The following PALLD variants were observed in gnomAD, a reference collection of about 807,000 sequenced individuals.
PALLD encodes the protein palladin, cytoskeletal associated protein.
Under a neutral mutation model 123.5 loss-of-function variants are expected in PALLD, and 61 were observed. That is an observed-to-expected ratio of 0.49 (90% CI 0.40 to 0.61). PALLD has a LOEUF of 0.61. PALLD is among the 20% of genes least tolerant of loss of function. PALLD has a pLI of 0.00. For missense variants in PALLD, 1,273 were observed against 1,377.0 expected (o/e 0.92, Z 1.20); for synonymous variants, 465 against 496.4 (o/e 0.94, Z 0.84).
At chr4:168,612,151 C>A (rs536284612) in intron 2 of PALLD, among the ~76,000 whole-genome samples, 50 of 151,806 alleles carry the variant, frequency 3.3e-4, no homozygotes, top group Non-Finnish European at 5.9e-4. Context: ...CGAAGTGAGA[C>A]CCTGTCTCAA....
intron 10 of PALLD, among the ~76,000 whole-genome samples, chr4:168,775,547 T>G (rs965444805): frequency 1.3e-5 from 2 of 152,222 alleles, no homozygotes; most frequent in African/African-American, 4.8e-5. Context: ...TTTGATGAAG[T>G]CAAATTTATC....
At chr4:168,554,651 A>C (rs953199134) in intron 2 of PALLD, among the ~76,000 whole-genome samples, 24 of 152,214 alleles carry the variant, frequency 1.6e-4, no homozygotes, top group African/African-American at 5.5e-4. Flanking sequence ...TTTTTTTAAA[A>C]GATTTTTGTT....
chr4:168,586,346 G>T (rs1372221264), intron 2 of PALLD, among the ~76,000 whole-genome samples: 1 of 150,418 alleles, frequency 6.6e-6, no homozygotes, highest in Middle Eastern at 3.4e-3. Flanking sequence ...TATAGAGAAC[G>T]TTTTTTTTTA....
intron 2 of PALLD, among the ~76,000 whole-genome samples, chr4:168,521,868 T>A (rs953149217): frequency 6.6e-5 from 10 of 152,182 alleles, no homozygotes; most frequent in African/African-American, 2.4e-4. Context: ...CTGTATAACA[T>A]ACTATTTTTT....
chr4:168,770,894 A>G (rs921667651), intron 10 of PALLD, among the ~76,000 whole-genome samples: 2 of 152,146 alleles, frequency 1.3e-5, no homozygotes, highest in African/African-American at 4.8e-5. Flanking sequence ...CCCCGTTTCT[A>G]CTAAAAATAC....
Position 168,861,439 on chromosome 4 carries a change from T to A in PALLD, c.1965-29483T>A, listed in dbSNP as rs370133295. On this transcript the variant is annotated intron_variant, in intron 10 of 21. Transcript: ENST00000505667. Reference sequence around the variant, plus strand: ...TGGACTGGGAAGAAAAAGTAAGAGATGAAGATGTACTTTCAGTGTTCTCTT... The same window carrying A: ...TGGACTGGGAAGAAAAAGTAAGAGAAGAAGATGTACTTTCAGTGTTCTCTT... 2.5e-4 allele frequency among the ~76,000 whole-genome samples: 38 copies of A among 152,244 alleles called. No individual in the cohort carries two copies. In the East Asian group the frequency reaches 5.0e-3, roughly 20 times the overall value.
chr4:168,767,286 C>T (rs1415740419), intron 10 of PALLD, among the ~76,000 whole-genome samples: 1 of 152,170 alleles, frequency 6.6e-6, no homozygotes, highest in Non-Finnish European at 1.5e-5. Flanking sequence ...GTACAGCCAC[C>T]AGGCCCTTAC....
intron 2 of PALLD, among the ~76,000 whole-genome samples, chr4:168,633,784 T>C (rs1172182397): frequency 2.0e-5 from 3 of 152,208 alleles, no homozygotes; most frequent in Non-Finnish European, 2.9e-5. Context: ...TGATGTTTAC[T>C]CTGTAAAATA....
chr4:168,757,800 G>T (rs1732100909), intron 10 of PALLD, among the ~76,000 whole-genome samples: 1 of 152,210 alleles, frequency 6.6e-6, no homozygotes, highest in Non-Finnish European at 1.5e-5. Context: ...GGCTGGGTGG[G>T]GTGGCTCACG....
chr4:168,672,784 A>G (rs1173355780), intron 3 of PALLD, among the ~76,000 whole-genome samples: 2 of 152,224 alleles, frequency 1.3e-5, no homozygotes, highest in East Asian at 3.9e-4. Context: ...ACAGCAAGTT[A>G]AGCACCGCAT....
intron 10 of PALLD, among the ~76,000 whole-genome samples, chr4:168,744,130 A>C (rs1788627606): frequency 6.6e-6 from 1 of 152,184 alleles, no homozygotes; most frequent in Admixed American, 6.5e-5. Flanking sequence ...ACTCTGGGGC[A>C]GTCACTTCAG....
In PALLD at chr4:168,568,837, A is replaced by G. The variant is rs545283134; in HGVS notation, c.908+56425A>G. On this transcript the variant is annotated intron_variant, in intron 2 of 21. Coordinates refer to ENST00000505667, the MANE Select transcript of PALLD (RefSeq NM_001166108.2). Reference sequence around the variant, plus strand: ...ATGTATTATATATCTATAAAATAGTACCATGGAATGCTTTAAATATATTGT... The same window carrying G: ...ATGTATTATATATCTATAAAATAGTGCCATGGAATGCTTTAAATATATTGT... Among the ~76,000 whole-genome samples the G allele has an allele frequency of 2.0e-5, 3 of 151,560 alleles. No homozygotes were observed. The South Asian group carries it at 6.2e-4, about 31-fold the overall frequency.
intron 10 of PALLD, chr4:168,878,399 G>C (rs1287930700): frequency 6.8e-7 from 1 of 1,481,046 alleles, no homozygotes. Flanking sequence ...CCCCGCGTGA[G>C]TAACCGCCGC....
At chr4:168,671,958 CAA>C (rs1780326657) in intron 3 of PALLD, among the ~76,000 whole-genome samples, 1 of 152,188 alleles carries the variant, frequency 6.6e-6, no homozygotes, top group African/African-American at 2.4e-5. Flanking sequence ...TCCCATGCGT[CAA>C]GTTTTAGAAT....
chr4:168,855,442 C>T (rs190615964), intron 10 of PALLD, among the ~76,000 whole-genome samples: 4 of 152,268 alleles, frequency 2.6e-5, no homozygotes, highest in Non-Finnish European at 2.9e-5. Context: ...GTAAGTGGTA[C>T]GTCTATCTTA....
chr4:168,539,265 G>C (rs773954138), intron 2 of PALLD, among the ~76,000 whole-genome samples: 2 of 152,146 alleles, frequency 1.3e-5, no homozygotes, highest in Non-Finnish European at 2.9e-5. Flanking sequence ...TAAGTTTTCA[G>C]ACCCCACGTC....
intron 17 of PALLD, among the ~76,000 whole-genome samples, chr4:168,919,222 A>G (rs1244270140): frequency 6.6e-6 from 1 of 152,136 alleles, no homozygotes; most frequent in African/African-American, 2.4e-5. Flanking sequence ...TCTGACCTGG[A>G]TAAAGAAAAT....
intron 10 of PALLD, among the ~76,000 whole-genome samples, chr4:168,763,269 T>C (rs139485050): frequency 6.6e-6 from 1 of 152,204 alleles, no homozygotes; most frequent in African/African-American, 2.4e-5. Context: ...TATTTCAGTG[T>C]CTTTCTATGA....
At chr4:168,901,179 ACTTTGGCATATG>A (rs1251715312) in intron 14 of PALLD, among the ~76,000 whole-genome samples, 1 of 152,152 alleles carries the variant, frequency 6.6e-6, no homozygotes, top group African/African-American at 2.4e-5. Flanking sequence ...TTAAAGGTCT[ACTTTGGCATATG>A]CCATATAAAT....
Sources: allele counts gnomAD v4.1 joint callset (sites outside exome capture counted in the v4.1 genomes callset), GRCh38; gene constraint gnomAD v4.1.1; transcripts MANE v1.5; gene names NCBI Gene and HGNC (gene_info 2026-07-23, HGNC 2026-07-21).